Variants in RAPGEF4 observed in about 807,000 individuals in gnomAD.
RAPGEF4 encodes the protein RAP guanine-nucleotide-exchange factor (GEF) 4.
Under a neutral mutation model 147.9 loss-of-function variants are expected in RAPGEF4, and 66 were observed. The observed-to-expected ratio is 0.45, with a 90% CI of 0.37 to 0.55. The LOEUF is 0.55. Ranked by LOEUF, RAPGEF4 falls within the 20% of genes least tolerant of loss-of-function variation. The pLI is 0.00. For synonymous variants in RAPGEF4, 419 were observed against 442.7 expected, an observed-to-expected ratio of 0.95 and a Z score of 0.67; for missense variants, 1,071 against 1,257.3, an observed-to-expected ratio of 0.85 and a Z score of 2.24.
chr2:172,874,577 C>T (rs1695656187), intron 4 of RAPGEF4, among the ~76,000 whole-genome samples: 1 of 152,176 alleles, frequency 6.6e-6, no homozygotes, highest in African/African-American at 2.4e-5. Flanking sequence ...AGGACATGAA[C>T]TCATCCTTTT....
At chr2:172,765,778 C>T (rs114910736) in intron 1 of RAPGEF4, among the ~76,000 whole-genome samples, 87 of 152,352 alleles carry the variant, frequency 5.7e-4, no homozygotes, top group African/African-American at 2.0e-3. Flanking sequence ...CTGGGTTCCC[C>T]TCTCATCGGT....
intron 4 of RAPGEF4, among the ~76,000 whole-genome samples, chr2:172,876,662 T>A (rs1249544030): frequency 6.6e-6 from 1 of 152,222 alleles, no homozygotes; most frequent in Non-Finnish European, 1.5e-5. Flanking sequence ...AGTATTTTAT[T>A]GAGGATTTTT....
At chr2:172,787,736 C>T (rs1357081025) in intron 1 of RAPGEF4, among the ~76,000 whole-genome samples, 1 of 151,932 alleles carries the variant, frequency 6.6e-6, no homozygotes, top group African/African-American at 2.4e-5. Context: ...CCTCCTGTCT[C>T]AACCTCCTGA....
chr2:172,872,154 G>A (rs1559088242), intron 4 of RAPGEF4, among the ~76,000 whole-genome samples: 1 of 152,054 alleles, frequency 6.6e-6, no homozygotes, highest in Non-Finnish European at 1.5e-5. Context: ...TTTTCTTTAA[G>A]GTATATATTG....
intron 30 of RAPGEF4, 36 bp downstream of exon 30, chr2:173,048,690 G>A: frequency 1.2e-6 from 2 of 1,613,848 alleles, no homozygotes; most frequent in Non-Finnish European, 8.5e-7. Context: ...CAATGTAGAT[G>A]TTGGTGATTA....
At chr2:172,841,671 A>C (rs7420491) in intron 4 of RAPGEF4, among the ~76,000 whole-genome samples, 2,447 of 152,272 alleles carry the variant, frequency 0.016, 23 homozygotes, top group South Asian at 0.034. Context: ...CACTTGAGTA[A>C]TTACAAGATT....
At chr2:172,894,121 G>A (rs1168835820) in intron 4 of RAPGEF4, 1 of 152,276 alleles carries the variant, frequency 6.6e-6, no homozygotes, top group African/African-American at 2.4e-5. Context: ...ACCAGTCACA[G>A]TGTTGAGTTC....
intron 17 of RAPGEF4, among the ~76,000 whole-genome samples, chr2:173,005,349 C>A (rs1694324008): frequency 6.6e-6 from 1 of 151,992 alleles, no homozygotes; most frequent in African/African-American, 2.4e-5. Flanking sequence ...CCAGGCTGGC[C>A]TTCAGTTTAG....
intron 4 of RAPGEF4, among the ~76,000 whole-genome samples, chr2:172,881,735 A>G (rs2149856421): frequency 6.6e-6 from 1 of 152,376 alleles, no homozygotes; most frequent in South Asian, 2.1e-4. Flanking sequence ...GTTGTTAGAA[A>G]TGGTATTACT....
At chr2:173,000,742 C>T (rs79917125) in intron 16 of RAPGEF4, among the ~76,000 whole-genome samples, 1 of 76,336 alleles carries the variant, frequency 1.3e-5, no homozygotes, top group Non-Finnish European at 3.0e-5. Context: ...TCTTTCTTTT[C>T]TTTCTTTCTT....
At position 172,821,866 on chromosome 2, in the gene RAPGEF4, A is replaced by G. The variant is rs532215434; in HGVS notation, c.444+7441A>G. 2.2e-4 allele frequency: 344 copies of G among 1,578,604 alleles called. 1 individual carries two copies. In the African/African-American group the frequency reaches 4.0e-3, roughly 18 times the overall value. The stretch of plus-strand genomic sequence containing the variant: ...GAGCCACTCAGTAGTAGACACGAAC[A>G]GGGAATGAACGGCAATGAAGGTACA... On this transcript the variant is annotated intron_variant, in intron 4 of 30. Transcript: ENST00000397081.
intron 1 of RAPGEF4, among the ~76,000 whole-genome samples, chr2:172,746,383 A>G (rs1015927425): frequency 6.6e-6 from 1 of 152,164 alleles, no homozygotes; most frequent in African/African-American, 2.4e-5. Flanking sequence ...TATTGGTGCC[A>G]CTCTAACAAA....
chr2:172,798,505 A>G (rs1433052868), intron 3 of RAPGEF4, among the ~76,000 whole-genome samples: 1 of 152,142 alleles, frequency 6.6e-6, no homozygotes, highest in Non-Finnish European at 1.5e-5. Context: ...CCACATATTC[A>G]GGATTCAGAA....
intron 15 of RAPGEF4, among the ~76,000 whole-genome samples, chr2:172,992,922 G>C (rs921005262): frequency 6.6e-6 from 1 of 152,042 alleles, no homozygotes; most frequent in African/African-American, 2.4e-5. Context: ...TGAAGGGGAG[G>C]GGGGCATGTA....
intron 17 of RAPGEF4, among the ~76,000 whole-genome samples, chr2:173,011,170 G>GCGCGCACACACACACA (rs564434178): frequency 2.7e-4 from 36 of 133,564 alleles, no homozygotes; most frequent in African/African-American, 4.9e-4. Flanking sequence ...GCGCGCGCGC[G>GCGCGCACACACACACA]CACACACACA....
Position 173,027,150 on chromosome 2 carries a change from C to A in RAPGEF4, c.2449C>A (p.Leu817Met). The A allele has an allele frequency of 6.2e-7, 1 of 1,613,450 alleles. No homozygotes were observed. The highest frequency in any genetic ancestry group is 8.5e-7 in the Non-Finnish European group (1 of 1,179,728). The change falls in exon 25 of 31, where the codon CTG becomes ATG. Residue 817 changes from leucine to methionine, a missense_variant. Leu to Met is a conservative substitution (Grantham distance 15). Transcript: ENST00000397081. ...KKTTANLDLFLRRFNEIQFWV... is the reference protein window; with the variant it reads ...KKTTANLDLFMRRFNEIQFWV... The stretch of plus-strand genomic sequence containing the variant: ...GACCACAGCAAACTTGGATTTGTTC[C>A]TGAGGAGATTTAATGAAATTCAGTT...
intron 14 of RAPGEF4, among the ~76,000 whole-genome samples, chr2:172,990,495 AT>A (rs1692724067): frequency 6.6e-6 from 1 of 152,136 alleles, no homozygotes; most frequent in Non-Finnish European, 1.5e-5. Context: ...ACATATTTTT[AT>A]AACTAATAAA....
chr2:172,986,698 C>CTT (rs72252062), intron 12 of RAPGEF4, among the ~76,000 whole-genome samples: 31 of 100,384 alleles, frequency 3.1e-4, no homozygotes, highest in East Asian at 2.8e-3. Flanking sequence ...TTCATATTTT[C>CTT]TTTTTTTTTT....
intron 29 of RAPGEF4, among the ~76,000 whole-genome samples, chr2:173,044,255 C>G (rs1238925629): frequency 7.8e-6 from 1 of 127,832 alleles, no homozygotes; most frequent in African/African-American, 3.1e-5. Context: ...CATTTGTAAA[C>G]TGTCATGGCG....
Sources: gnomAD v4.1 joint callset for allele counts (sites outside exome capture counted in the v4.1 genomes callset) on GRCh38, gnomAD v4.1.1 for gene constraint, MANE v1.5 for transcripts, NCBI Gene and HGNC (gene_info 2026-07-23, HGNC 2026-07-21) for gene names.